The following APBA2 variants were observed in gnomAD, a reference collection of about 807,000 sequenced individuals.
APBA2 encodes amyloid beta precursor protein binding family A member 2, also known as amyloid-beta A4 precursor protein-binding family A member 2.
A neutral mutation model predicts 75.0 loss-of-function variants in APBA2; 30 were observed. The ratio of observed to expected loss-of-function variants is 0.40; its 90% CI spans 0.30 to 0.54. The LOEUF is 0.54. Ranked by LOEUF, APBA2 falls within the 20% of genes least tolerant of loss-of-function variation. The pLI, the probability that APBA2 is intolerant of heterozygous loss-of-function variation, is 0.49. For synonymous variants in APBA2, 444 were observed against 409.6 expected (o/e 1.08, Z -1.01); for missense variants, 801 against 1,016.1 (o/e 0.79, Z 2.88).
chr15:29,087,064 C>T (rs1302319761), intron 6 of APBA2, among the ~76,000 whole-genome samples: 4 of 152,306 alleles, frequency 2.6e-5, no homozygotes, highest in African/African-American at 9.6e-5. Flanking sequence ...CTTCACTTCA[C>T]ACTAAACCCT....
chr15:29,110,759 G>T (rs1239240143), intron 13 of APBA2, among the ~76,000 whole-genome samples: 1 of 152,196 alleles, frequency 6.6e-6, no homozygotes, highest in African/African-American at 2.4e-5. Flanking sequence ...TTTTGTGGGG[G>T]CTAACATGAA....
rs776598599 is a variant in APBA2 at position 29,054,006 on chromosome 15, A to T, written c.122A>T (p.Tyr41Phe). ...SEDMELPLEG[Y>F]VPEGLELAAL... is the part of the protein sequence containing the mutation. Reference sequence around the variant, plus strand: ...GACATGGAGCTGCCCTTGGAGGGCTATGTGCCCGAGGGCCTGGAGCTGGCT... The same window carrying T: ...GACATGGAGCTGCCCTTGGAGGGCTTTGTGCCCGAGGGCCTGGAGCTGGCT... The change falls in exon 4 of 15, where the codon TAT (tyrosine) becomes TTT (phenylalanine). Residue 41 changes from tyrosine to phenylalanine, a missense_variant. Transcript: ENST00000683413. This position sits in a 1 kb window ranked among gnomAD's most constrained non-coding sequence, Gnocchi z 6.1. 2 of 1,613,804 alleles carry T rather than the reference A, an allele frequency of 1.2e-6. No individual in the cohort carries two copies. Among genetic ancestry groups the T allele is most frequent in the East Asian group, 2.2e-5 (1 of 44,848 alleles).
intron 9 of APBA2, among the ~76,000 whole-genome samples, chr15:29,099,982 C>T (rs2044038244): frequency 6.6e-6 from 1 of 152,214 alleles, no homozygotes; most frequent in Non-Finnish European, 1.5e-5. Context: ...CTTTCCTTTC[C>T]CTTCTGGATC....
intron 2 of APBA2, among the ~76,000 whole-genome samples, chr15:28,957,650 G>A (rs2036245438): frequency 6.6e-6 from 1 of 152,190 alleles, no homozygotes; most frequent in Admixed American, 6.5e-5. Context: ...GATGCACGAT[G>A]GTGTGGAGCA....
intron 3 of APBA2, among the ~76,000 whole-genome samples, chr15:29,042,430 G>A (rs143201033): frequency 1.3e-5 from 2 of 152,042 alleles, no homozygotes; most frequent in African/African-American, 2.4e-5. Context: ...ATGCCACCAC[G>A]TGTATTTTTA....
chr15:29,000,432 C>T (rs1463432600), intron 3 of APBA2, among the ~76,000 whole-genome samples: 1 of 151,964 alleles, frequency 6.6e-6, no homozygotes, highest in East Asian at 1.9e-4. Flanking sequence ...TGTGGTAAAC[C>T]CCTGGATGTA....
intron 2 of APBA2, among the ~76,000 whole-genome samples, chr15:28,964,660 G>A (rs1244302134): frequency 1.3e-5 from 2 of 151,850 alleles, no homozygotes; most frequent in East Asian, 3.9e-4. Flanking sequence ...GCTAATTTTT[G>A]TATTTTTAGT....
chr15:28,998,916 G>T (rs560727294), intron 3 of APBA2, among the ~76,000 whole-genome samples: 2 of 152,214 alleles, frequency 1.3e-5, no homozygotes, highest in Non-Finnish European at 1.5e-5. Context: ...GGAGGCCGAG[G>T]TGGGCAGATC....
At chr15:29,080,752 A>G (rs2043051576) in intron 6 of APBA2, among the ~76,000 whole-genome samples, 1 of 152,154 alleles carries the variant, frequency 6.6e-6, no homozygotes. Flanking sequence ...CAGCTTTTCT[A>G]TACAGGTAAA....
At chr15:29,078,224 G>A (rs953248110) in intron 6 of APBA2, among the ~76,000 whole-genome samples, 1 of 152,084 alleles carries the variant, frequency 6.6e-6, no homozygotes, top group Non-Finnish European at 1.5e-5. Context: ...AACCCAGGAG[G>A]CGGAGATTGC....
At chr15:28,950,435 G>A (rs2035796942) in intron 2 of APBA2, among the ~76,000 whole-genome samples, 1 of 151,990 alleles carries the variant, frequency 6.6e-6, no homozygotes, top group Non-Finnish European at 1.5e-5. Context: ...AGACCATCTT[G>A]GCTAACATGG....
intron 1 of APBA2, chr15:28,893,829 A>C (rs2152613677): frequency 6.6e-6 from 1 of 152,278 alleles, no homozygotes. Flanking sequence ...TCAGCTTCTA[A>C]ATTAATTGCA....
intron 6 of APBA2, among the ~76,000 whole-genome samples, chr15:29,079,532 T>G (rs1478584216): frequency 6.6e-6 from 1 of 152,188 alleles, no homozygotes; most frequent in Non-Finnish European, 1.5e-5. Context: ...ATGTTAGTGT[T>G]GGCCAGACAA....
intron 2 of APBA2, among the ~76,000 whole-genome samples, chr15:28,950,568 A>C (rs2035806390): frequency 6.6e-6 from 1 of 151,560 alleles, no homozygotes; most frequent in African/African-American, 2.4e-5. Flanking sequence ...CAGAGCTTGC[A>C]GTGAGCTGAG....
rs10604525 is a variant in APBA2 at position 29,023,441 on chromosome 15, C to CTTTTTT, written c.-41+27662_-41+27667dup. 1.1e-3 allele frequency among the ~76,000 whole-genome samples: 79 copies of CTTTTTT among 73,306 alleles called. 4 individuals carry two copies. The highest frequency in any genetic ancestry group is 1.7e-3 in the South Asian group (3 of 1,738). 48.1% of individuals were successfully genotyped at this position (73,306 alleles called of 152,430 possible). ...ATTTGATGGCCATTATACCTTTTTCCTTTTTTTTTTTTTTTTTTTTTTTTT... is the reference window on the plus strand; with the variant it reads ...ATTTGATGGCCATTATACCTTTTTCCTTTTTTTTTTTTTTTTTTTTTTTTTTTTTTT... On this transcript the variant is annotated intron_variant, in intron 3 of 14. Transcript: ENST00000683413.
intron 3 of APBA2, among the ~76,000 whole-genome samples, chr15:29,011,800 C>A (rs188301700): frequency 3.5e-4 from 53 of 152,142 alleles, no homozygotes; most frequent in African/African-American, 1.3e-3. Context: ...TTATTATAGT[C>A]CTGTCAATTC....
intron 6 of APBA2, among the ~76,000 whole-genome samples, chr15:29,078,349 A>G (rs1291970931): frequency 1.3e-5 from 2 of 151,952 alleles, no homozygotes; most frequent in Non-Finnish European, 1.5e-5. Flanking sequence ...ACGGTGGCTC[A>G]TGCCTGTAAT....
At chr15:28,946,446 G>A (rs551794070) in intron 2 of APBA2, among the ~76,000 whole-genome samples, 2 of 152,362 alleles carry the variant, frequency 1.3e-5, no homozygotes, top group South Asian at 2.1e-4. Context: ...AGGAATGCAG[G>A]TGGCTTCTAG....
rs1417744668 is a variant in APBA2 at position 28,904,119 on chromosome 15, A to G, written c.-204-17521A>G. ...AAAAAACATTATTTTTAGTTATCAC[A>G]TATGAATTCATTCATTGTATTGGAA... On this transcript the variant is annotated intron_variant, in intron 1 of 14. Coordinates refer to ENST00000683413, the MANE Select transcript of APBA2 (RefSeq NM_001353788.2). 3.3e-5 allele frequency among the ~76,000 whole-genome samples: 5 copies of G among 152,334 alleles called. No individual in the cohort carries two copies. In the East Asian group the frequency reaches 9.6e-4, roughly 29 times the overall value.
Sources: allele counts gnomAD v4.1 joint callset (sites outside exome capture counted in the v4.1 genomes callset), GRCh38; gene constraint gnomAD v4.1.1; non-coding constraint Gnocchi (gnomAD v3.1); transcripts MANE v1.5; gene names NCBI Gene and HGNC (gene_info 2026-07-23, HGNC 2026-07-21).